CSMD1: variants seen among roughly 807,000 people sequenced by gnomAD.
CSMD1 encodes the protein CUB and Sushi multiple domains 1, also known as CUB and sushi domain-containing protein 1.
Under a neutral mutation model 417.5 loss-of-function variants are expected in CSMD1, and 213 were observed. That is an observed-to-expected ratio of 0.51 (90% confidence interval 0.46 to 0.57). The LOEUF is 0.57. Ranked by LOEUF, CSMD1 falls within the 20% of genes least tolerant of loss-of-function variation. The pLI is 0.00. For synonymous variants in CSMD1, 2,862 were observed against 1,736.8 expected (o/e 1.65, Z -16.11); for missense variants, 6,923 against 4,529.7 (o/e 1.53, Z -15.17).
At chr8:3,933,309 G>A (rs1222174280) in intron 5 of CSMD1, among the ~76,000 whole-genome samples, 1 of 152,134 alleles carries the variant, frequency 6.6e-6, no homozygotes, top group Non-Finnish European at 1.5e-5. Flanking sequence ...ATATTTATTT[G>A]TTAACTGAAG....
intron 3 of CSMD1, among the ~76,000 whole-genome samples, chr8:4,394,822 G>C (rs915429478): frequency 2.6e-5 from 4 of 152,066 alleles, no homozygotes; most frequent in Non-Finnish European, 4.4e-5. Flanking sequence ...TAAATTTCTG[G>C]ATTTTTTCAT....
chr8:2,965,410 A>G (rs897392232), intron 59 of CSMD1, among the ~76,000 whole-genome samples: 2 of 152,002 alleles, frequency 1.3e-5, no homozygotes, highest in African/African-American at 2.4e-5. Flanking sequence ...CTAAATTCCT[A>G]CAATTAGATT....
At chr8:4,290,018 T>G (rs1163870797) in intron 3 of CSMD1, among the ~76,000 whole-genome samples, 1 of 152,212 alleles carries the variant, frequency 6.6e-6, no homozygotes, top group Non-Finnish European at 1.5e-5. Flanking sequence ...AAGCACTCTG[T>G]GCACTGCAAC....
intron 36 of CSMD1, chr8:3,182,841 G>GGGGTGGGT (rs768081848): frequency 1.7e-4 from 2 of 11,470 alleles, no homozygotes; most frequent in Non-Finnish European, 3.4e-4. Flanking sequence ...TTTATAAGAA[G>GGGGTGGGT]GTGTGTGTGT....
chr8:4,966,192 C>T (rs118066790), intron 1 of CSMD1, among the ~76,000 whole-genome samples: 2,542 of 133,474 alleles, frequency 0.019, 85 homozygotes, highest in East Asian at 0.14. Context: ...AGTGGAAGCC[C>T]GTCTCTACTA....
rs866419552 is a variant in CSMD1 at position 3,133,381 on chromosome 8, G to A, written c.6241+9084C>T. On this transcript the variant is annotated intron_variant, in intron 41 of 69. Coordinates refer to ENST00000635120, the MANE Select transcript of CSMD1 (RefSeq NM_033225.6). The stretch of plus-strand genomic sequence containing the variant: ...CCCTCAGAGCCTCCCCTTTACAATC[G>A]TCCTCAGTCTCTCCTGAAAGAGCTT... 7.9e-5 allele frequency among the ~76,000 whole-genome samples: 12 copies of A among 152,230 alleles called. No homozygotes were observed. The Middle Eastern group carries it at 0.02, about 259-fold the overall frequency.
chr8:4,407,835 C>G (rs555188079), intron 3 of CSMD1, among the ~76,000 whole-genome samples: 1 of 152,096 alleles, frequency 6.6e-6, no homozygotes, highest in South Asian at 2.1e-4. Context: ...GTGTGAAAGT[C>G]TTAAAAAATG....
rs1163566883 is a variant in CSMD1 at position 3,094,318 on chromosome 8, T to G, written c.7138+2531A>C. Among the ~76,000 whole-genome samples, 3 of 152,126 alleles carry G rather than the reference T, an allele frequency of 2.0e-5. No individual in the cohort carries two copies. The East Asian group carries it at 5.8e-4, about 29-fold the overall frequency. ...GACGGTTTCACCACGCTGGCCAGGC[T>G]GGTCTCAAACTCCTGACCTCAGGTG... On this transcript the variant is annotated intron_variant, in intron 47 of 69. Transcript: ENST00000635120.
rs779488083 is a variant in CSMD1, at chr8:3,000,012, C to A, written c.8149G>T (p.Val2717Leu). ...NPGFRLVGTS[V>L]RICLQDHKWS... ...TTGTGGTCTTGCAGGCATATCCTCACGGAAGTTCCCACAAGCCGGAAACCA... is the reference window on the plus strand; with the variant it reads ...TTGTGGTCTTGCAGGCATATCCTCAAGGAAGTTCCCACAAGCCGGAAACCA... The change falls in exon 53 of 70, where the codon GTG becomes TTG. Residue 2717 changes from valine to leucine, a missense_variant. Physicochemically the swap from Val to Leu is conservative, Grantham distance 32. Transcript: ENST00000635120. 1.1e-5 allele frequency: 18 copies of A among 1,608,232 alleles called. No individual in the cohort carries two copies. The highest frequency in any genetic ancestry group is 2.2e-5 in the South Asian group (2 of 90,328).
At chr8:3,906,035 C>T (rs191084431) in intron 5 of CSMD1, among the ~76,000 whole-genome samples, 245 of 152,234 alleles carry the variant, frequency 1.6e-3, no homozygotes, top group African/African-American at 5.8e-3. Flanking sequence ...CTTTTCAAAA[C>T]CCTAAATAGC....
In CSMD1 at chr8:3,547,113, C is replaced by T. The variant is rs1271883458; in HGVS notation, c.1344+27832G>A. Among the ~76,000 whole-genome samples, 4 of 152,118 alleles carry T rather than the reference C, an allele frequency of 2.6e-5. No individual in the cohort carries two copies. In the East Asian group the frequency reaches 5.8e-4, roughly 22 times the overall value. ...ATAACGTGGGCTACAGGTTGGCCAA[C>T]CCTCATGCTGCCATTCACACAGGCT... On this transcript the variant is annotated intron_variant, in intron 10 of 69. Coordinates refer to ENST00000635120, the MANE Select transcript of CSMD1 (RefSeq NM_033225.6).
intron 23 of CSMD1, among the ~76,000 whole-genome samples, chr8:3,321,750 T>C (rs1806169044): frequency 6.6e-6 from 1 of 152,210 alleles, no homozygotes; most frequent in Admixed American, 6.5e-5. Context: ...TTTCAAAGTG[T>C]TATAAAAACA....
chr8:3,318,772 A>T (rs1805953401), intron 23 of CSMD1, among the ~76,000 whole-genome samples: 1 of 152,122 alleles, frequency 6.6e-6, no homozygotes, highest in East Asian at 1.9e-4. Flanking sequence ...TGTGGAAGCC[A>T]GATCCGAGCA....
intron 3 of CSMD1, among the ~76,000 whole-genome samples, chr8:4,281,820 T>C (rs138596625): frequency 1.3e-5 from 2 of 152,204 alleles, no homozygotes; most frequent in Admixed American, 1.3e-4. Context: ...TGTAAAACAC[T>C]GATTTTCTAG....
intron 3 of CSMD1, among the ~76,000 whole-genome samples, chr8:4,407,184 C>G (rs959354163): frequency 6.6e-6 from 1 of 152,134 alleles, no homozygotes; most frequent in Non-Finnish European, 1.5e-5. Flanking sequence ...AAGAAGTTTG[C>G]CAGTCCTCTT....
intron 5 of CSMD1, among the ~76,000 whole-genome samples, chr8:3,951,987 A>G (rs1283481438): frequency 1.3e-5 from 2 of 152,214 alleles, no homozygotes; most frequent in East Asian, 1.9e-4. Context: ...TTCCCTGATT[A>G]CACTTGGAAC....
chr8:4,904,430 A>G (rs1012344440), intron 1 of CSMD1, among the ~76,000 whole-genome samples: 2 of 152,206 alleles, frequency 1.3e-5, no homozygotes, highest in East Asian at 3.8e-4. Context: ...CTCACAAATA[A>G]AACTAGCTAT....
At chr8:4,679,601 A>G (rs1805910718) in intron 1 of CSMD1, among the ~76,000 whole-genome samples, 1 of 152,128 alleles carries the variant, frequency 6.6e-6, no homozygotes, top group Non-Finnish European at 1.5e-5. Flanking sequence ...TCTCTTAATC[A>G]TCGTCCTTCT....
At chr8:4,879,334 A>G (rs1327976409) in intron 1 of CSMD1, among the ~76,000 whole-genome samples, 2 of 151,968 alleles carry the variant, frequency 1.3e-5, no homozygotes, top group Admixed American at 1.3e-4. Context: ...TAGGATTAGG[A>G]AGTTAGGAAA....
Sources: allele counts gnomAD v4.1 joint callset (sites outside exome capture counted in the v4.1 genomes callset), GRCh38; gene constraint gnomAD v4.1.1; transcripts MANE v1.5; gene names NCBI Gene and HGNC (gene_info 2026-07-23, HGNC 2026-07-21).